Variants in KCNK12 observed in about 807,000 individuals in gnomAD.
KCNK12 encodes the protein potassium channel subfamily K member 12.
In KCNK12, 6 loss-of-function variants were observed where a neutral mutation model predicts 25.3. The observed-to-expected ratio is 0.24, with a 90% CI of 0.13 to 0.47. The LOEUF (loss-of-function observed/expected upper bound fraction) is 0.47. KCNK12 is among the 20% of genes least tolerant of loss of function. KCNK12 has a pLI of 0.99. For missense variants in KCNK12, 444 were observed against 661.7 expected, an observed-to-expected ratio of 0.67 and a Z score of 3.61; for synonymous variants, 331 against 311.1, an observed-to-expected ratio of 1.06 and a Z score of -0.67.
At position 47,533,987 on chromosome 2, in the gene KCNK12, G is replaced by A. The variant is rs1411392464; in HGVS notation, c.392-12179C>T. ...CTCTGCCCCTGTTCTGCTTGTTTTT[G>A]TCTTGTTCTCTGGGGGCCTTTGAGG... On this transcript the variant is annotated intron_variant, in intron 1 of 1. Transcript: ENST00000327876. The surrounding 1 kb of genome is among the most constrained non-coding windows in gnomAD (Gnocchi z 4.7). Among the ~76,000 whole-genome samples the A allele has an allele frequency of 2.0e-5, 3 of 151,934 alleles. No homozygotes were observed. The highest frequency in any genetic ancestry group is 2.1e-4 in the South Asian group (1 of 4,796).
intron 1 of KCNK12, chr2:47,534,993 C>T: frequency 4.4e-6 from 1 of 226,840 alleles, no homozygotes; most frequent in Non-Finnish European, 8.8e-6. Flanking sequence ...ACAGCCTCGT[C>T]CTTTCCATGG....
At chr2:47,534,840 A>G (rs17036650) in intron 1 of KCNK12, 113 of 188,206 alleles carry the variant, frequency 6.0e-4, no homozygotes, top group African/African-American at 2.4e-3. Flanking sequence ...ATGTCAATTC[A>G]ATCACTTTAC....
rs565026708 is a variant in KCNK12 at position 47,538,358 on chromosome 2, T to C, written c.392-16550A>G. On this transcript the variant is annotated intron_variant, in intron 1 of 1. Coordinates refer to ENST00000327876, the MANE Select transcript of KCNK12 (RefSeq NM_022055.2). The surrounding 1 kb of genome is among the most constrained non-coding windows in gnomAD (Gnocchi z 4.5). ...AGGTCATGGTTTTAAGTGGGGTGGGTCCAGGGAGGCCTCGTTAAGGAACGG... is the reference window on the plus strand; with the variant it reads ...AGGTCATGGTTTTAAGTGGGGTGGGCCCAGGGAGGCCTCGTTAAGGAACGG... Among the ~76,000 whole-genome samples, 3 of 152,150 alleles carry C rather than the reference T, an allele frequency of 2.0e-5. No homozygotes were observed. In the East Asian group the frequency reaches 5.8e-4, roughly 29 times the overall value.
chr2:47,550,184 A>G (rs1055936202), intron 1 of KCNK12, among the ~76,000 whole-genome samples: 3 of 152,136 alleles, frequency 2.0e-5, no homozygotes, highest in Non-Finnish European at 2.9e-5. Context: ...TAATATTTGA[A>G]GCAATAATGT....
intron 1 of KCNK12, among the ~76,000 whole-genome samples, chr2:47,523,134 A>C (rs895566849): frequency 1.3e-5 from 2 of 152,240 alleles, no homozygotes; most frequent in Admixed American, 6.5e-5. Context: ...CCTGTAGTAC[A>C]CCTGGGCAGA....
In KCNK12 at chr2:47,568,956, C is replaced by A. The variant is rs148414255; in HGVS notation, c.391+985G>T. Among the ~76,000 whole-genome samples, 902 of 151,662 alleles carry A rather than the reference C, an allele frequency of 5.9e-3. 9 individuals carry two copies. The highest frequency in any genetic ancestry group is 0.021 in the African/African-American group (851 of 41,298). ...GCTTTGTTTCACATGACACCCAGGG[C>A]CCAGGGAAAGTGGGGGATGGGAAAA... On this transcript the variant is annotated intron_variant, in intron 1 of 1. Transcript: ENST00000327876.
intron 1 of KCNK12, among the ~76,000 whole-genome samples, chr2:47,550,417 C>CT (rs1234816916): frequency 1.5e-5 from 2 of 129,406 alleles, no homozygotes; most frequent in Admixed American, 8.4e-5. Context: ...GAGTCTTGCT[C>CT]TGTCACCCAG....
At chr2:47,539,981 G>C (rs1001505782) in intron 1 of KCNK12, among the ~76,000 whole-genome samples, 1 of 152,200 alleles carries the variant, frequency 6.6e-6, no homozygotes, top group African/African-American at 2.4e-5. Flanking sequence ...ACTACTCACT[G>C]GTGGCTGTCA....
At chr2:47,522,247 T>G (rs1160976723) in intron 1 of KCNK12, among the ~76,000 whole-genome samples, 1 of 152,232 alleles carries the variant, frequency 6.6e-6, no homozygotes, top group Non-Finnish European at 1.5e-5. Context: ...ATTAATATAC[T>G]AGTCTAGGTG....
At position 47,517,121 on chromosome 2, in the gene KCNK12, G is replaced by T. The variant is rs72888283; in HGVS notation, c.*3786C>A. Reference sequence around the variant, plus strand: ...TCTGGCTGTGCTTTCCAGACAGTGTGTATGTGGAATTGTGCTTTTTGTTTT... The same window carrying T: ...TCTGGCTGTGCTTTCCAGACAGTGTTTATGTGGAATTGTGCTTTTTGTTTT... On this transcript the variant is annotated 3_prime_UTR_variant, in exon 2 of 2. Transcript: ENST00000327876. This position sits in a 1 kb window ranked among gnomAD's most constrained non-coding sequence, Gnocchi z 4.1. The T allele has an allele frequency of 0.12, 18,601 of 152,256 alleles. 1,415 individuals carry two copies. The highest frequency in any genetic ancestry group is 0.19 in the African/African-American group (8,019 of 41,510). 9.4% of individuals were successfully genotyped at this position (152,256 alleles called of 1,614,324 possible).
rs1028796397 is a variant in KCNK12, at chr2:47,538,052, A to C, written c.392-16244T>G. Among the ~76,000 whole-genome samples the C allele has an allele frequency of 1.3e-5, 2 of 152,210 alleles. No individual in the cohort carries two copies. The highest frequency in any genetic ancestry group is 4.8e-5 in the African/African-American group (2 of 41,456). On this transcript the variant is annotated intron_variant, in intron 1 of 1. Coordinates refer to ENST00000327876, the MANE Select transcript of KCNK12 (RefSeq NM_022055.2). The surrounding 1 kb of genome is among the most constrained non-coding windows in gnomAD (Gnocchi z 4.5). The stretch of plus-strand genomic sequence containing the variant: ...AGAATGAAGGCCCCTGAGGAACTTC[A>C]GTATCTAAAGGGCAGAAGAGGAGTC...
chr2:47,559,632 T>A (rs145446496), intron 1 of KCNK12, among the ~76,000 whole-genome samples: 1 of 152,322 alleles, frequency 6.6e-6, no homozygotes, highest in Non-Finnish European at 1.5e-5. Context: ...AAGATGTAGC[T>A]TCTGAGGTGG....
Position 47,510,476 on chromosome 2 carries a change from A to G in KCNK12, c.*10431T>C, listed in dbSNP as rs1668373443. ...ATGGAGATGGGTGGAGTTATCTAAA[A>G]GAACAGAGATAGTGTCCCTAGAAGA... On this transcript the variant is annotated 3_prime_UTR_variant, in exon 2 of 2. Transcript: ENST00000327876. 6.6e-6 allele frequency among the ~76,000 whole-genome samples: 1 copy of G among 152,186 alleles called. No homozygotes were observed. The highest frequency in any genetic ancestry group is 1.5e-5 in the Non-Finnish European group (1 of 68,028).
chr2:47,537,504 T>C lies in KCNK12; in HGVS notation c.392-15696A>G, dbSNP rs185377360. Among the ~76,000 whole-genome samples the C allele has an allele frequency of 2.0e-3, 306 of 152,190 alleles. 1 individual carries two copies. The highest frequency in any genetic ancestry group is 2.3e-3 in the Non-Finnish European group (159 of 68,014). ...CACCACGACGCCCAGCTAATTTTTATATTTTTAATAGAGACAGGGTTTCAT... is the reference window on the plus strand; with the variant it reads ...CACCACGACGCCCAGCTAATTTTTACATTTTTAATAGAGACAGGGTTTCAT... On this transcript the variant is annotated intron_variant, in intron 1 of 1. Transcript: ENST00000327876.
chr2:47,534,305 T>C (rs1368502003), intron 1 of KCNK12, among the ~76,000 whole-genome samples: 3 of 152,038 alleles, frequency 2.0e-5, no homozygotes, highest in Non-Finnish European at 4.4e-5. Context: ...AAATGAGTTA[T>C]TAAAAGCCGG....
At chr2:47,542,169 C>T (rs1454424335) in intron 1 of KCNK12, among the ~76,000 whole-genome samples, 2 of 152,200 alleles carry the variant, frequency 1.3e-5, no homozygotes, top group African/African-American at 4.8e-5. Context: ...CTGCTGGGCT[C>T]CTCCAGGTTC....
chr2:47,526,272 G>T (rs537072608), intron 1 of KCNK12, among the ~76,000 whole-genome samples: 2 of 151,450 alleles, frequency 1.3e-5, no homozygotes, highest in Admixed American at 1.3e-4. Flanking sequence ...CAGGTGTGGC[G>T]GCGGGTGCCT....
intron 1 of KCNK12, among the ~76,000 whole-genome samples, chr2:47,531,841 TG>T (rs1239666747): frequency 2.0e-5 from 3 of 152,278 alleles, no homozygotes; most frequent in Admixed American, 1.3e-4. Context: ...TCTGATTGAT[TG>T]TGGGCCAAGC....
At position 47,512,621 on chromosome 2, in the gene KCNK12, A is replaced by G. The variant is rs575030901; in HGVS notation, c.*8286T>C. The stretch of plus-strand genomic sequence containing the variant: ...GAAAGCGCCTTCTGGGAACTTCACA[A>G]TGGCTAAAGTGTGCTAATGGGATGA... On this transcript the variant is annotated 3_prime_UTR_variant, in exon 2 of 2. Coordinates refer to ENST00000327876, the MANE Select transcript of KCNK12 (RefSeq NM_022055.2). 1.4e-5 allele frequency: 9 copies of G among 622,972 alleles called. No homozygotes were observed. In the East Asian group the frequency reaches 2.3e-4, roughly 16 times the overall value. The allele number at this position is 622,972 out of a possible 1,614,324, so 38.6% of individuals were successfully genotyped here. A position where few individuals can be genotyped will look rare whatever the true frequency, so the allele number is the denominator to read the frequency against.
Sources: allele counts gnomAD v4.1 joint callset (sites outside exome capture counted in the v4.1 genomes callset), GRCh38; gene constraint gnomAD v4.1.1; non-coding constraint Gnocchi (gnomAD v3.1); transcripts MANE v1.5; gene names NCBI Gene and HGNC (gene_info 2026-07-23, HGNC 2026-07-21).